METTL15: variants seen among roughly 807,000 people sequenced by gnomAD.
METTL15 encodes the protein 12S rRNA N(4)-cytidine methyltransferase METTL15.
METTL15 carries 34 observed loss-of-function variants against 38.3 expected under a neutral mutation model. The ratio of observed to expected loss-of-function variants is 0.89; its 90% CI spans 0.68 to 1.18. The LOEUF (loss-of-function observed/expected upper bound fraction) is 1.18. Among genes scored for constraint, METTL15 ranks in the 50% most tolerant of loss-of-function variants. METTL15 has a pLI of 0.00. For synonymous variants in METTL15, 162 were observed against 170.9 expected (o/e 0.95, Z 0.41); for missense variants, 438 against 498.4 (o/e 0.88, Z 1.15).
intron 4 of METTL15, among the ~76,000 whole-genome samples, chr11:28,281,026 T>A (rs1320691822): frequency 1.3e-5 from 2 of 152,194 alleles, no homozygotes; most frequent in Non-Finnish European, 2.9e-5. Flanking sequence ...TGTGTTCTTA[T>A]CCTTGTGTCT....
At chr11:28,351,263 C>G (rs1386192378) in intron 3 of METTL15, among the ~76,000 whole-genome samples, 1 of 152,058 alleles carries the variant, frequency 6.6e-6, no homozygotes, top group Non-Finnish European at 1.5e-5. Context: ...AGGCACGCGC[C>G]ACCATGCCCA....
chr11:28,130,107 C>T (rs568962021), intron 3 of METTL15, among the ~76,000 whole-genome samples: 7 of 152,122 alleles, frequency 4.6e-5, no homozygotes, highest in East Asian at 1.9e-4. Flanking sequence ...CTCAGGAGTT[C>T]GCGATTAGCC....
At chr11:28,220,416 A>G (rs1300046640) in intron 4 of METTL15, among the ~76,000 whole-genome samples, 1 of 152,070 alleles carries the variant, frequency 6.6e-6, no homozygotes, top group Non-Finnish European at 1.5e-5. Context: ...TTTGCTTGGT[A>G]GATCTTCCTC....
intron 6 of METTL15, among the ~76,000 whole-genome samples, chr11:28,318,254 G>A (rs1247606030): frequency 6.6e-6 from 1 of 152,026 alleles, no homozygotes; most frequent in Non-Finnish European, 1.5e-5. Context: ...CTGTGTACCA[G>A]GCCTTAAAAT....
chr11:28,357,819 A>C (rs2133365838), intron 4 of METTL15, among the ~76,000 whole-genome samples: 1 of 152,266 alleles, frequency 6.6e-6, no homozygotes, highest in Non-Finnish European at 1.5e-5. Flanking sequence ...GGTTTAGTAT[A>C]TCTTCTCTCC....
chr11:28,163,457 C>T (rs1850542161), intron 3 of METTL15: 1 of 398,100 alleles, frequency 2.5e-6, no homozygotes, highest in Non-Finnish European at 4.4e-6. Context: ...CCTCTTGTAA[C>T]TCTCTCCCCA....
At chr11:28,419,168 C>T (rs1343277619) in intron 5 of METTL15, among the ~76,000 whole-genome samples, 1 of 152,208 alleles carries the variant, frequency 6.6e-6, no homozygotes, top group Non-Finnish European at 1.5e-5. Flanking sequence ...GTAGTGATTA[C>T]AGCAAGTGTT....
intron 2 of METTL15, among the ~76,000 whole-genome samples, chr11:28,111,153 G>T (rs981929721): frequency 9.2e-5 from 14 of 152,138 alleles, no homozygotes; most frequent in Non-Finnish European, 1.5e-4. Context: ...ACTCAAGTTG[G>T]CAGGCAATTA....
chr11:28,366,246 T>A (rs1291190709), intron 5 of METTL15, among the ~76,000 whole-genome samples: 1 of 151,438 alleles, frequency 6.6e-6, no homozygotes, highest in Non-Finnish European at 1.5e-5. Context: ...AGTGACTCAG[T>A]GGAGGGCAAA....
At chr11:28,123,412 A>G (rs1030726146) in intron 3 of METTL15, among the ~76,000 whole-genome samples, 9 of 152,226 alleles carry the variant, frequency 5.9e-5, no homozygotes, top group Middle Eastern at 6.8e-3. Context: ...TCATGTAACA[A>G]ACTACTGAGC....
chr11:28,498,368 C>G (rs1851553670), intron 6 of METTL15, among the ~76,000 whole-genome samples: 2 of 152,068 alleles, frequency 1.3e-5, no homozygotes, highest in Admixed American at 6.5e-5. Context: ...CTGTGTTAGC[C>G]AGGATGGTCT....
chr11:28,161,280 C>A (rs1850454473), intron 3 of METTL15, among the ~76,000 whole-genome samples: 1 of 151,684 alleles, frequency 6.6e-6, no homozygotes, highest in African/African-American at 2.4e-5. Context: ...AGGCCACCAC[C>A]CCAGCTAATT....
chr11:28,163,095 T>C (rs1850528548), intron 3 of METTL15, among the ~76,000 whole-genome samples: 1 of 152,042 alleles, frequency 6.6e-6, no homozygotes, highest in South Asian at 2.1e-4. Flanking sequence ...CCAAATGCAA[T>C]GATTAAATTA....
intron 4 of METTL15, among the ~76,000 whole-genome samples, chr11:28,276,606 A>G (rs1260115189): frequency 6.6e-6 from 1 of 152,178 alleles, no homozygotes; most frequent in Non-Finnish European, 1.5e-5. Context: ...CTCATGTGGA[A>G]CCAAAAAGAG....
intron 3 of METTL15, among the ~76,000 whole-genome samples, chr11:28,196,861 C>G (rs1306557896): frequency 6.6e-6 from 1 of 151,770 alleles, no homozygotes. Flanking sequence ...AGTCAGGGTA[C>G]CAATATAGTT....
intron 6 of METTL15, among the ~76,000 whole-genome samples, chr11:28,504,568 A>C (rs1271501897): frequency 6.6e-6 from 1 of 152,218 alleles, no homozygotes; most frequent in Non-Finnish European, 1.5e-5. Flanking sequence ...TGGGTCAAAC[A>C]AGGCCAATCG....
Position 28,285,963 on chromosome 11 carries a change from T to G in METTL15, c.408-4243T>G, listed in dbSNP as rs189436112. ...GATAATGTACACAAAGTAGTGTAGC[T>G]AATCAAAAATCTACCTCTTGAGCAG... On this transcript the variant is annotated intron_variant, in intron 4 of 6. Coordinates refer to ENST00000407364, the MANE Select transcript of METTL15 (RefSeq NM_001113528.2). Among the ~76,000 whole-genome samples the G allele has an allele frequency of 4.2e-3, 640 of 152,266 alleles. 20 individuals carry two copies. The highest frequency in any genetic ancestry group is 1.2e-3 in the Non-Finnish European group (82 of 68,020).
chr11:28,521,488 T>A (rs556881216), intron 6 of METTL15, among the ~76,000 whole-genome samples: 1 of 152,334 alleles, frequency 6.6e-6, no homozygotes, highest in African/African-American at 2.4e-5. Flanking sequence ...TGGCTTTATC[T>A]TGAAGAAATC....
rs879689338 is a variant in METTL15 at position 28,243,081 on chromosome 11, T to TA, written c.407+31896dup. 8.2e-3 allele frequency among the ~76,000 whole-genome samples: 1,143 copies of TA among 139,354 alleles called. 9 individuals carry two copies. The highest frequency in any genetic ancestry group is 0.02 in the African/African-American group (774 of 38,192). The allele number at this position is 139,354 out of a possible 152,430, so 91.4% of individuals were successfully genotyped here. On this transcript the variant is annotated intron_variant, in intron 4 of 6. Transcript: ENST00000407364. ...ATAATTCTGCCTGATGATTGGAGTG[T>TA]AAAAAAAAAAAAACAGTGTGGAAGT...
Sources: gnomAD v4.1 joint callset for allele counts (sites outside exome capture counted in the v4.1 genomes callset) on GRCh38, gnomAD v4.1.1 for gene constraint, MANE v1.5 for transcripts, NCBI Gene and HGNC (gene_info 2026-07-23, HGNC 2026-07-21) for gene names.